The following HMX1 variants were observed in gnomAD, a reference collection of about 807,000 sequenced individuals.
The protein encoded by HMX1 is homeobox protein HMX1.
Under a neutral mutation model 8.9 loss-of-function variants are expected in HMX1, and 8 were observed. The ratio of observed to expected loss-of-function variants is 0.90; its 90% CI spans 0.53 to 1.63. The LOEUF is 1.63. Ranked by LOEUF, HMX1 falls within the 40% of genes most tolerant of loss-of-function variation. The pLI is 0.00. For missense variants in HMX1, 621 were observed against 558.5 expected (o/e 1.11, Z -1.13); for synonymous variants, 311 against 283.4 (o/e 1.10, Z -0.98).
rs547515449 is a variant in HMX1, at chr4:8,861,414, C to G, written c.394+9807G>C. ...GCAAAGAAATAAACACGCCCTGTCT[C>G]CCCGACCCCGACTCGGGCCGGTCAG... On this transcript the variant is annotated intron_variant, in intron 1 of 1. Coordinates refer to the HMX1 transcript ENST00000506970. Among the ~76,000 whole-genome samples the G allele has an allele frequency of 2.6e-5, 4 of 152,318 alleles. No homozygotes were observed. The East Asian group carries it at 5.8e-4, about 22-fold the overall frequency.
Position 8,868,795 on chromosome 4 carries a change from C to G in HMX1, c.395-450G>C, listed in dbSNP as rs1722117163. Among the ~76,000 whole-genome samples, 1 of 152,138 alleles carries G rather than the reference C, an allele frequency of 6.6e-6. No individual in the cohort carries two copies. The highest frequency in any genetic ancestry group is 6.5e-5 in the Admixed American group (1 of 15,276). On this transcript the variant is annotated intron_variant, in intron 1 of 1. Coordinates refer to ENST00000400677, the MANE Select transcript of HMX1 (RefSeq NM_018942.3). This position sits in a 1 kb window ranked among gnomAD's most constrained non-coding sequence, Gnocchi z 4.6. ...ATGTCCTTCCGAGAAATGTTCACAC[C>G]GAAAAACAAGCACAGGACACCCCCT...
rs1722182088 is a variant in HMX1, at chr4:8,870,697, A to C, written c.394+524T>G. On this transcript the variant is annotated intron_variant, in intron 1 of 1. Transcript: ENST00000400677. This position sits in a 1 kb window ranked among gnomAD's most constrained non-coding sequence, Gnocchi z 4.4. The stretch of plus-strand genomic sequence containing the variant: ...CACCCTCTGCTCAATGCCCCCTTTT[A>C]TTTTTCCACGTCTGATGCTACTTTG... Among the ~76,000 whole-genome samples, 2 of 124,466 alleles carry C rather than the reference A, an allele frequency of 1.6e-5. No individual in the cohort carries two copies. The highest frequency in any genetic ancestry group is 6.2e-5 in the African/African-American group (2 of 32,108). The allele number at this position is 124,466 out of a possible 152,430, so 81.7% of individuals were successfully genotyped here. A position where few individuals can be genotyped will look rare whatever the true frequency, so the allele number is the denominator to read the frequency against.
intron 1 of HMX1, among the ~76,000 whole-genome samples, chr4:8,857,205 A>C (rs1721633755): frequency 6.6e-6 from 1 of 152,224 alleles, no homozygotes; most frequent in Admixed American, 6.5e-5. Flanking sequence ...ATTAAATGCA[A>C]TGCAGCCGCC....
At position 8,849,813 on chromosome 4, in the gene HMX1, G is replaced by A. The variant is rs979496582; in HGVS notation, c.395-3489C>T. Among the ~76,000 whole-genome samples the A allele has an allele frequency of 5.3e-5, 8 of 152,192 alleles. No homozygotes were observed. Among genetic ancestry groups the A allele is most frequent in the Admixed American group, 2.6e-4 (4 of 15,280 alleles). ...GTCTCTGAGCTGGAACAGCCCCTCC[G>A]GGCATCGGGTGTGGTCTGCCATTTG... On this transcript the variant is annotated intron_variant, in intron 1 of 1. Coordinates refer to the HMX1 transcript ENST00000506970. The surrounding 1 kb of genome is among the most constrained non-coding windows in gnomAD (Gnocchi z 6.6).
At chr4:8,860,094 T>C (rs974415296) in intron 1 of HMX1, among the ~76,000 whole-genome samples, 8 of 152,244 alleles carry the variant, frequency 5.3e-5, no homozygotes, top group African/African-American at 1.9e-4. Context: ...TGGAGCGCCG[T>C]TGCGCACAAG....
chr4:8,850,539 C>G (rs1045369615), intron 1 of HMX1, among the ~76,000 whole-genome samples: 3 of 152,162 alleles, frequency 2.0e-5, no homozygotes, highest in African/African-American at 7.2e-5. Flanking sequence ...CCCTGGCCAG[C>G]TCCCTGGACT....
chr4:8,865,509 C>T (rs969021620), downstream of HMX1, among the ~76,000 whole-genome samples: 1 of 151,236 alleles, frequency 6.6e-6, no homozygotes, highest in Non-Finnish European at 1.5e-5. Flanking sequence ...CGCGGTGTCG[C>T]CGGCTGTGCC....
chr4:8,858,008 G>A (rs1721671071), intron 1 of HMX1, among the ~76,000 whole-genome samples: 1 of 152,000 alleles, frequency 6.6e-6, no homozygotes, highest in Non-Finnish European at 1.5e-5. Flanking sequence ...CGAAAAAGAA[G>A]TTGAAGCATC....
Position 8,871,759 on chromosome 4 carries a change from C to G in HMX1, c.-145G>C, listed in dbSNP as rs1722234913. ...CGGGCCCCGCAGGGCAGGCGGCGGC[C>G]TCCGCGCCGGGCTGGGCTGGGCCGG... On this transcript the variant is annotated 5_prime_UTR_variant, in exon 1 of 2. Transcript: ENST00000400677. The surrounding 1 kb of genome is among the most constrained non-coding windows in gnomAD (Gnocchi z 4.8). The G allele has an allele frequency of 5.1e-6, 5 of 980,794 alleles. No individual in the cohort carries two copies. Among genetic ancestry groups the G allele is most frequent in the Non-Finnish European group, 4.9e-6 (4 of 823,400 alleles). 60.8% of individuals were successfully genotyped at this position (980,794 alleles called of 1,614,324 possible).
downstream of HMX1, among the ~76,000 whole-genome samples, chr4:8,863,660 GCCTGGGTA>G (rs1203665461): frequency 6.6e-6 from 1 of 152,260 alleles, no homozygotes; most frequent in Non-Finnish European, 1.5e-5. Context: ...CAAGGGCACT[GCCTGGGTA>G]CCTGCCTGTC....
In HMX1 at chr4:8,867,106, A is replaced by G; in HGVS notation, c.*587T>C. The G allele has an allele frequency of 1.0e-6, 1 of 985,446 alleles. No homozygotes were observed. 61.0% of individuals were successfully genotyped at this position (985,446 alleles called of 1,614,324 possible). Reference sequence around the variant, plus strand: ...ATAAGTAGATTCATTTAAAAAAACAACAACCCGGAGGCTGCGACGTCTGCA... The same window carrying G: ...ATAAGTAGATTCATTTAAAAAAACAGCAACCCGGAGGCTGCGACGTCTGCA... On this transcript the variant is annotated 3_prime_UTR_variant, in exon 2 of 2. Coordinates refer to ENST00000400677, the MANE Select transcript of HMX1 (RefSeq NM_018942.3).
chr4:8,855,321 T>C (rs1309914409), intron 1 of HMX1, among the ~76,000 whole-genome samples: 1 of 152,268 alleles, frequency 6.6e-6, no homozygotes, highest in African/African-American at 2.4e-5. Context: ...TCAGTGATGA[T>C]GCCTACCTCT....
In HMX1 at chr4:8,868,462, C is replaced by G. The variant is rs553306190; in HGVS notation, c.395-117G>C. ...CACAGCCACAAGCAGGAAGACCTTCCAGCACAGGGCTGGGCACCCAGCAGC... is the reference window on the plus strand; with the variant it reads ...CACAGCCACAAGCAGGAAGACCTTCGAGCACAGGGCTGGGCACCCAGCAGC... On this transcript the variant is annotated intron_variant, in intron 1 of 1. Coordinates refer to ENST00000400677, the MANE Select transcript of HMX1 (RefSeq NM_018942.3). This position sits in a 1 kb window ranked among gnomAD's most constrained non-coding sequence, Gnocchi z 4.6. The G allele has an allele frequency of 2.0e-5, 16 of 809,198 alleles. No homozygotes were observed. The South Asian group carries it at 4.8e-4, about 24-fold the overall frequency. The allele number at this position is 809,198 out of a possible 1,614,324, so 50.1% of individuals were successfully genotyped here.
Position 8,871,502 on chromosome 4 carries a change from C to T in HMX1, c.113G>A (p.Gly38Asp). ...CTCCTCGTCCTCCCGGCTGCCGTCG[C>T]CCTGGGTCGCGCGCCCTGCGCCCTT... Reference protein sequence around the residue: ...EAKGAGRATQGDGSREDEEED... With the variant: ...EAKGAGRATQDDGSREDEEED... The change falls in exon 1 of 2, where the codon GGC (glycine) becomes GAC (aspartate). Residue 38 changes from glycine to aspartate, a missense_variant. By Grantham distance (94) the Gly-to-Asp change is moderately conservative. Transcript: ENST00000400677. This position sits in a 1 kb window ranked among gnomAD's most constrained non-coding sequence, Gnocchi z 4.8. 1 of 1,343,238 alleles carries T rather than the reference C, an allele frequency of 7.4e-7. No individual in the cohort carries two copies. The allele number at this position is 1,343,238 out of a possible 1,614,324, so 83.2% of individuals were successfully genotyped here. A position where few individuals can be genotyped will look rare whatever the true frequency, so the allele number is the denominator to read the frequency against.
In HMX1 at chr4:8,871,399, G is replaced by A; in HGVS notation, c.216C>T (p.Leu72=). The change falls in exon 1 of 2, where the codon CTC becomes CTT. Residue 72 remains leucine (L), a synonymous_variant. Coordinates refer to ENST00000400677, the MANE Select transcript of HMX1 (RefSeq NM_018942.3). This position sits in a 1 kb window ranked among gnomAD's most constrained non-coding sequence, Gnocchi z 4.8. ...RRRLQRRRQL[L]AGTGPGGEAR... is the part of the protein sequence containing the mutation. ...CCTCCCCGCCGGGCCCGGTGCCCGC[G>A]AGCAACTGTCGCCGCCGCTGTAGCC... 7.9e-7 allele frequency: 1 copy of A among 1,260,738 alleles called. No homozygotes were observed. The highest frequency in any genetic ancestry group is 1.0e-6 in the Non-Finnish European group (1 of 998,730). The allele number at this position is 1,260,738 out of a possible 1,614,324, so 78.1% of individuals were successfully genotyped here. A position where few individuals can be genotyped will look rare whatever the true frequency, so the allele number is the denominator to read the frequency against.
At chr4:8,861,661 C>G (rs952746358) in intron 1 of HMX1, among the ~76,000 whole-genome samples, 10 of 152,048 alleles carry the variant, frequency 6.6e-5, no homozygotes, top group Non-Finnish European at 1.5e-4. Context: ...AGGCGCCTTC[C>G]CGGGCGGTTG....
At chr4:8,866,428 C>T (rs1266737115), downstream of HMX1, among the ~76,000 whole-genome samples, 1 of 152,228 alleles carries the variant, frequency 6.6e-6, no homozygotes, top group Non-Finnish European at 1.5e-5. Context: ...AAATACTGTC[C>T]CTCCCCCACC....
At chr4:8,860,787 C>CT (rs1486761319) in intron 1 of HMX1, 1 of 152,514 alleles carries the variant, frequency 6.6e-6, no homozygotes, top group African/African-American at 2.4e-5. Flanking sequence ...GCTCACCGCC[C>CT]TTCTCGGGGT....
At chr4:8,856,199 C>T (rs1435904939) in intron 1 of HMX1, among the ~76,000 whole-genome samples, 2 of 152,128 alleles carry the variant, frequency 1.3e-5, no homozygotes, top group Non-Finnish European at 2.9e-5. Context: ...AGTGAACTTC[C>T]CACCTTCCAG....
Sources: allele counts gnomAD v4.1 joint callset (sites outside exome capture counted in the v4.1 genomes callset), GRCh38; gene constraint gnomAD v4.1.1; non-coding constraint Gnocchi (gnomAD v3.1); transcripts MANE v1.5; gene names NCBI Gene and HGNC (gene_info 2026-07-23, HGNC 2026-07-21).